Variants in MAP3K10 observed in about 807,000 individuals in gnomAD.
MAP3K10 encodes MKN28 derived nonreceptor_type serine/threonine kinase.
A neutral mutation model predicts 75.0 loss-of-function variants in MAP3K10; 22 were observed. The observed-to-expected ratio is 0.29, with a 90% CI of 0.21 to 0.42. The LOEUF is 0.42. Ranked by LOEUF, MAP3K10 falls within the 10% of genes least tolerant of loss-of-function variation. MAP3K10 has a pLI of 1.00. For missense variants in MAP3K10, 1,165 were observed against 1,379.8 expected (o/e 0.84, Z 2.47); for synonymous variants, 599 against 612.9 (o/e 0.98, Z 0.34).
chr19:40,214,689 C>T (rs1660124855), intron 9 of MAP3K10, among the ~76,000 whole-genome samples: 1 of 152,080 alleles, frequency 6.6e-6, no homozygotes, highest in South Asian at 2.1e-4. Context: ...GCAGGAGAGT[C>T]GGGAAGACCA....
intron 2 of MAP3K10, among the ~76,000 whole-genome samples, chr19:40,202,208 T>C (rs1210923636): frequency 1.3e-5 from 2 of 152,096 alleles, no homozygotes; most frequent in African/African-American, 4.8e-5. Context: ...GCCTGACTAA[T>C]TTTTTGTATT....
At chr19:40,210,191 C>T (rs897039742) in intron 6 of MAP3K10, among the ~76,000 whole-genome samples, 5 of 151,870 alleles carry the variant, frequency 3.3e-5, no homozygotes, top group Admixed American at 1.3e-4. Context: ...GGCATGAGCC[C>T]GGGAGGCGGA....
chr19:40,214,342 G>A (rs117630131), intron 9 of MAP3K10, 121 bp downstream of exon 9: 13 of 1,197,638 alleles, frequency 1.1e-5, no homozygotes, highest in Non-Finnish European at 1.4e-5. Flanking sequence ...TGTGGAGGAG[G>A]GAGGGTCTGT....
chr19:40,207,013 C>T (rs943560914), intron 5 of MAP3K10, among the ~76,000 whole-genome samples: 1 of 152,084 alleles, frequency 6.6e-6, no homozygotes, highest in Admixed American at 6.6e-5. Context: ...GCACAAGCAT[C>T]GCTTGAACCC....
chr19:40,199,881 G>A (rs933654838), intron 2 of MAP3K10, among the ~76,000 whole-genome samples: 14 of 152,058 alleles, frequency 9.2e-5, no homozygotes, highest in African/African-American at 2.2e-4. Flanking sequence ...TTTGGAGGCC[G>A]GGTGCGGTGG....
intron 2 of MAP3K10, among the ~76,000 whole-genome samples, chr19:40,199,816 T>C (rs777855511): frequency 1.3e-5 from 2 of 152,070 alleles, no homozygotes; most frequent in Non-Finnish European, 2.9e-5. Flanking sequence ...ACCCCATGTA[T>C]ATGAAAAAGA....
At chr19:40,206,883 T>TA (rs1399070358) in intron 5 of MAP3K10, among the ~76,000 whole-genome samples, 1 of 152,116 alleles carries the variant, frequency 6.6e-6, no homozygotes, top group African/African-American at 2.4e-5. Flanking sequence ...CACTTGAGGC[T>TA]AGGAGTTCTA....
At chr19:40,199,897 G>A (rs1039289728) in intron 2 of MAP3K10, among the ~76,000 whole-genome samples, 1 of 152,152 alleles carries the variant, frequency 6.6e-6, no homozygotes, top group African/African-American at 2.4e-5. Context: ...GGTGGCTCAC[G>A]CCTGTAATCC....
chr19:40,192,758 A>C lies in MAP3K10; in HGVS notation c.682+45A>C. The C allele has an allele frequency of 1.7e-5, 24 of 1,451,942 alleles. No homozygotes were observed. The highest frequency in any genetic ancestry group is 1.8e-4 in the Middle Eastern group (1 of 5,508). The allele number at this position is 1,451,942 out of a possible 1,614,324, so 89.9% of individuals were successfully genotyped here. A position where few individuals can be genotyped will look rare whatever the true frequency, so the allele number is the denominator to read the frequency against. On this transcript the variant is annotated intron_variant, in intron 1 of 9. Transcript: ENST00000253055. The surrounding 1 kb of genome is among the most constrained non-coding windows in gnomAD (Gnocchi z 7.1). ...CAAAATTCCTTCCACAGAACCTCTC[A>C]AGGCCAGGCCTAGGTGGTGGGAAAC... is the stretch of plus-strand genomic sequence containing the variant.
rs570208152 is a variant in MAP3K10 at position 40,204,372 on chromosome 19, C to T, written c.864-113C>T. On this transcript the variant is annotated intron_variant, in intron 2 of 9. Transcript: ENST00000253055. The surrounding 1 kb of genome is among the most constrained non-coding windows in gnomAD (Gnocchi z 4.3). ...AGCAAGTTCTTGTGACCTCATTGGC[C>T]GGGGGTGGCTGTTGGGGTGAGGGCA... The T allele has an allele frequency of 1.1e-5, 13 of 1,220,192 alleles. No individual in the cohort carries two copies. Among genetic ancestry groups the T allele is most frequent in the South Asian group, 3.1e-5 (2 of 64,476 alleles). 75.6% of individuals were successfully genotyped at this position (1,220,192 alleles called of 1,614,324 possible).
At position 40,208,368 on chromosome 19, in the gene MAP3K10, TTG is replaced by T. The variant is rs1169632609; in HGVS notation, c.1436-733_1436-732del. ...TTCTTTTTTTTTTTTTTTTTTTTTT[TTG>T]TATTTTTAGTAGAGACAGGGTTTCA... is the stretch of plus-strand genomic sequence containing the variant. On this transcript the variant is annotated intron_variant, in intron 5 of 9. Coordinates refer to ENST00000253055, the MANE Select transcript of MAP3K10 (RefSeq NM_002446.4). Among the ~76,000 whole-genome samples, 226 of 109,696 alleles carry T rather than the reference TTG, an allele frequency of 2.1e-3. 7 individuals are homozygous for T. Among genetic ancestry groups the T allele is most frequent in the South Asian group, 5.2e-3 (18 of 3,484 alleles). 72.0% of individuals were successfully genotyped at this position (109,696 alleles called of 152,430 possible). A position where few individuals can be genotyped will look rare whatever the true frequency, so the allele number is the denominator to read the frequency against.
At chr19:40,202,313 T>C (rs1973041243) in intron 2 of MAP3K10, among the ~76,000 whole-genome samples, 1 of 152,216 alleles carries the variant, frequency 6.6e-6, no homozygotes, top group Non-Finnish European at 1.5e-5. Context: ...GTGCTGGGAT[T>C]ACAGGCGTGA....
At position 40,204,641 on chromosome 19, in the gene MAP3K10, G is replaced by A. The variant is rs780419965; in HGVS notation, c.1012+8G>A. On this transcript the variant is annotated splice_region_variant and intron_variant, in intron 3 of 9. Coordinates refer to ENST00000253055, the MANE Select transcript of MAP3K10 (RefSeq NM_002446.4). The surrounding 1 kb of genome is among the most constrained non-coding windows in gnomAD (Gnocchi z 4.3). ...TTGCCCGCCTCCTGGAGGGTGAGCCGGGGCCCCGTGACGAGGGTAGGCTCA... is the reference window on the plus strand; with the variant it reads ...TTGCCCGCCTCCTGGAGGGTGAGCCAGGGCCCCGTGACGAGGGTAGGCTCA... 2.5e-5 allele frequency: 41 copies of A among 1,609,982 alleles called. No homozygotes were observed. Among genetic ancestry groups the A allele is most frequent in the Non-Finnish European group, 3.3e-5 (39 of 1,177,820 alleles).
At chr19:40,196,412 T>G (rs1972906818) in intron 1 of MAP3K10, among the ~76,000 whole-genome samples, 1 of 151,998 alleles carries the variant, frequency 6.6e-6, no homozygotes, top group African/African-American at 2.4e-5. Flanking sequence ...AATTTGGGAG[T>G]CCAAGGCTGG....
At chr19:40,208,962 C>T (rs779725184) in intron 5 of MAP3K10, 141 bp from the exon 6 acceptor site, 2 of 673,336 alleles carry the variant, frequency 3.0e-6, no homozygotes, top group Non-Finnish European at 5.3e-6. Flanking sequence ...CTGGGGCCCA[C>T]ACTCTGAGAA....
At chr19:40,207,069 A>G (rs1031156333) in intron 5 of MAP3K10, among the ~76,000 whole-genome samples, 4 of 152,216 alleles carry the variant, frequency 2.6e-5, no homozygotes, top group African/African-American at 4.8e-5. Flanking sequence ...ACTGCACTCC[A>G]GCCTGGGTGA....
intron 2 of MAP3K10, among the ~76,000 whole-genome samples, chr19:40,203,790 G>A (rs895134879): frequency 4.6e-5 from 7 of 152,168 alleles, no homozygotes; most frequent in African/African-American, 9.7e-5. Flanking sequence ...TTGGGGAAAC[G>A]TAGAGGAGGG....
At position 40,215,238 on chromosome 19, in the gene MAP3K10, G is replaced by A. The variant is rs1425435471; in HGVS notation, c.2811G>A (p.Glu937=). 2 of 1,560,972 alleles carry A rather than the reference G, an allele frequency of 1.3e-6. No individual in the cohort carries two copies. The highest frequency in any genetic ancestry group is 3.8e-5 in the Admixed American group (2 of 52,278). ...CCACACTGCTGGACATGGACATGGA[G>A]GGGCAGAACCAAGACAGCACAGTGC... ...VQPTLLDMDM[E]GQNQDSTVPL... Residue 937 remains glutamate (E), a synonymous_variant, in exon 10 of 10, where the codon GAG becomes GAA. Transcript: ENST00000253055.
chr19:40,204,925 C>A lies in MAP3K10; in HGVS notation c.1013-196C>A. ...CCAGCCCCTCCTCGGGGTGCAGGTC[C>A]CAGGGTTTCTCTCCCAGCGTTTCAC... On this transcript the variant is annotated intron_variant, in intron 3 of 9. Coordinates refer to ENST00000253055, the MANE Select transcript of MAP3K10 (RefSeq NM_002446.4). The surrounding 1 kb of genome is among the most constrained non-coding windows in gnomAD (Gnocchi z 4.3). 1 of 639,876 alleles carries A rather than the reference C, an allele frequency of 1.6e-6. No individual in the cohort carries two copies. The allele number at this position is 639,876 out of a possible 1,614,324, so 39.6% of individuals were successfully genotyped here. A position where few individuals can be genotyped will look rare whatever the true frequency, so the allele number is the denominator to read the frequency against.
Sources: allele counts gnomAD v4.1 joint callset (sites outside exome capture counted in the v4.1 genomes callset), GRCh38; gene constraint gnomAD v4.1.1; non-coding constraint Gnocchi (gnomAD v3.1); transcripts MANE v1.5; gene names NCBI Gene and HGNC (gene_info 2026-07-23, HGNC 2026-07-21).